The following COL9A2 variants were observed in gnomAD, a reference collection of about 807,000 sequenced individuals.
COL9A2 encodes the protein collagen alpha-2(IX) chain.
A neutral mutation model predicts 111.6 loss-of-function variants in COL9A2; 66 were observed. The observed-to-expected ratio is 0.59, with a 90% confidence interval of 0.48 to 0.73. The LOEUF is 0.73. Ranked by LOEUF, COL9A2 falls within the 30% of genes least tolerant of loss-of-function variation. COL9A2 has a pLI of 0.00. For synonymous variants in COL9A2, 353 were observed against 364.1 expected (o/e 0.97, Z 0.35); for missense variants, 881 against 954.1 (o/e 0.92, Z 1.01).
chr1:40,309,758 G>A (rs575041781), intron 16 of COL9A2, among the ~76,000 whole-genome samples, 180 bp downstream of exon 16: 6 of 151,422 alleles, frequency 4.0e-5, no homozygotes, highest in South Asian at 2.1e-4. Context: ...CATACACACT[G>A]TACACATACA....
intron 30 of COL9A2, 55 bp from the exon 31 acceptor site, chr1:40,301,944 T>G: frequency 6.6e-7 from 1 of 1,516,784 alleles, no homozygotes; most frequent in Non-Finnish European, 9.0e-7. Context: ...GCTTTTCCTC[T>G]ATTTTTTGCT....
In COL9A2 at chr1:40,305,734, G is replaced by C. The variant is rs767484378; in HGVS notation, c.1088C>G (p.Ser363Cys). Residue 363 changes from serine (S) to cysteine (C), a missense_variant, in exon 21 of 32, where the codon TCT becomes TGT. Physicochemically the swap from Ser to Cys is moderately radical, Grantham distance 112. Transcript: ENST00000372748. ...ATTTACCTCTTTCCCAGGGGGACCA[G>C]AGAATCCAGGAAGGCCCTGCGGGCC... ...EPGPQGLPGF[S>C]GPPGKEGEPG... 4 of 1,614,030 alleles carry C rather than the reference G, an allele frequency of 2.5e-6. No homozygotes were observed. The African/African-American group carries it at 5.3e-5, about 22-fold the overall frequency.
At chr1:40,315,124 C>T in intron 2 of COL9A2, 1 of 722,684 alleles carries the variant, frequency 1.4e-6, no homozygotes, top group Non-Finnish European at 1.7e-6. Context: ...ATTTAACCCT[C>T]ACCCTGCAGG....
chr1:40,307,567 A>G lies in COL9A2; in HGVS notation c.955-68T>C, dbSNP rs1644050093. 1.9e-6 allele frequency: 3 copies of G among 1,598,408 alleles called. No individual in the cohort carries two copies. The highest frequency in any genetic ancestry group is 1.3e-5 in the African/African-American group (1 of 74,564). On this transcript the variant is annotated intron_variant, in intron 18 of 31. Transcript: ENST00000372748. The surrounding 1 kb of genome is among the most constrained non-coding windows in gnomAD (Gnocchi z 4.8). Reference sequence around the variant, plus strand: ...CCAGAGGGCCATGGCTTCTACCCAGATGCAGGTAGGGAAACTGAGATCCAG... The same window carrying G: ...CCAGAGGGCCATGGCTTCTACCCAGGTGCAGGTAGGGAAACTGAGATCCAG...
At chr1:40,315,756 AG>A in intron 1 of COL9A2, 92 bp from the exon 2 acceptor site, 1 of 836,474 alleles carries the variant, frequency 1.2e-6, no homozygotes. Flanking sequence ...GCGGGGTCCT[AG>A]GGGCGCAGCT....
At chr1:40,313,341 G>T (rs896381545) in intron 4 of COL9A2, among the ~76,000 whole-genome samples, 1 of 151,982 alleles carries the variant, frequency 6.6e-6, no homozygotes, top group African/African-American at 2.4e-5. Context: ...GGTAATTTTT[G>T]TATTTTTAGT....
At position 40,312,901 on chromosome 1, in the gene COL9A2, A is replaced by C; in HGVS notation, c.250-117T>G. The C allele has an allele frequency of 2.4e-6, 2 of 823,732 alleles. No homozygotes were observed. Among genetic ancestry groups the C allele is most frequent in the Non-Finnish European group, 4.1e-6 (2 of 489,574 alleles). The allele number at this position is 823,732 out of a possible 1,614,324, so 51.0% of individuals were successfully genotyped here. On this transcript the variant is annotated intron_variant, in intron 4 of 31. Coordinates refer to ENST00000372748, the MANE Select transcript of COL9A2 (RefSeq NM_001852.4). This position sits in a 1 kb window ranked among gnomAD's most constrained non-coding sequence, Gnocchi z 6.0. ...CCGAGGCTCCTTTTTGCCACACCTC[A>C]TGAAGGCCTAGGAACCTCCACACCT...
At position 40,310,960 on chromosome 1, in the gene COL9A2, G is replaced by A; in HGVS notation, c.630+133C>T. On this transcript the variant is annotated intron_variant, in intron 12 of 31. Coordinates refer to ENST00000372748, the MANE Select transcript of COL9A2 (RefSeq NM_001852.4). This position sits in a 1 kb window ranked among gnomAD's most constrained non-coding sequence, Gnocchi z 4.9. ...CAGAGACATGCCGACCTGGAGCACA[G>A]GCCTCCAGCCCCCGGCTCAAGGCTC... 7.9e-7 allele frequency: 1 copy of A among 1,271,740 alleles called. No homozygotes were observed. The highest frequency in any genetic ancestry group is 2.4e-5 in the East Asian group (1 of 41,658). 78.8% of individuals were successfully genotyped at this position (1,271,740 alleles called of 1,614,324 possible). A position where few individuals can be genotyped will look rare whatever the true frequency, so the allele number is the denominator to read the frequency against.
chr1:40,306,237 A>G (rs1397783058), intron 19 of COL9A2, 50 bp from the exon 20 acceptor site: 2 of 1,604,838 alleles, frequency 1.2e-6, no homozygotes, highest in South Asian at 2.2e-5. Flanking sequence ...AGGGAGCCCC[A>G]TGCACCTGCT....
In COL9A2 at chr1:40,302,024, G is replaced by A. The variant is rs1341680851; in HGVS notation, c.1793-135C>T. 1.2e-5 allele frequency: 10 copies of A among 846,978 alleles called. No individual in the cohort carries two copies. The highest frequency in any genetic ancestry group is 1.0e-4 in the Admixed American group (5 of 47,814). The allele number at this position is 846,978 out of a possible 1,614,324, so 52.5% of individuals were successfully genotyped here. On this transcript the variant is annotated intron_variant, in intron 30 of 31. Coordinates refer to ENST00000372748, the MANE Select transcript of COL9A2 (RefSeq NM_001852.4). This position sits in a 1 kb window ranked among gnomAD's most constrained non-coding sequence, Gnocchi z 4.5. ...ATAGAGGAAAGTTGGAAATGGTCAC[G>A]CAGGGCTTGTTAAATAAAGGAAGGT...
In COL9A2 at chr1:40,307,800, G is replaced by A. The variant is rs1400969366; in HGVS notation, c.901-44C>T. On this transcript the variant is annotated intron_variant, in intron 17 of 31. Coordinates refer to ENST00000372748, the MANE Select transcript of COL9A2 (RefSeq NM_001852.4). This position sits in a 1 kb window ranked among gnomAD's most constrained non-coding sequence, Gnocchi z 4.8. ...CAAGGGAGAGTGATAATGCGGAGATGTCTGGGGTCTGGCCACCCACCCCTG... is the reference window on the plus strand; with the variant it reads ...CAAGGGAGAGTGATAATGCGGAGATATCTGGGGTCTGGCCACCCACCCCTG... The A allele has an allele frequency of 5.0e-6, 8 of 1,600,802 alleles. No homozygotes were observed. The highest frequency in any genetic ancestry group is 6.8e-6 in the Non-Finnish European group (8 of 1,168,590).
rs189183321 is a variant in COL9A2 at position 40,303,250 on chromosome 1, T to A, written c.1549-65A>T. On this transcript the variant is annotated intron_variant, in intron 28 of 31. Transcript: ENST00000372748. This position sits in a 1 kb window ranked among gnomAD's most constrained non-coding sequence, Gnocchi z 4.6. ...AAGGGCCCACCGCTCCTATCCCACC[T>A]GGCTGAGCGTGAGGCCGCCATGGAG... 372 of 1,505,862 alleles carry A rather than the reference T, an allele frequency of 2.5e-4. No individual in the cohort carries two copies. Among genetic ancestry groups the A allele is most frequent in the African/African-American group, 1.2e-3 (88 of 72,824 alleles). The allele number at this position is 1,505,862 out of a possible 1,614,324, so 93.3% of individuals were successfully genotyped here.
At position 40,302,573 on chromosome 1, in the gene COL9A2, C is replaced by G; in HGVS notation, c.1792+48G>C. On this transcript the variant is annotated intron_variant, in intron 30 of 31. Transcript: ENST00000372748. This position sits in a 1 kb window ranked among gnomAD's most constrained non-coding sequence, Gnocchi z 4.5. ...GGAATGGGGAAAGGGCCGGCCTGGA[C>G]AAATCCTCACTGCCTGGCCCCCATG... 1.9e-6 allele frequency: 3 copies of G among 1,555,680 alleles called. No individual in the cohort carries two copies. The highest frequency in any genetic ancestry group is 2.6e-6 in the Non-Finnish European group (3 of 1,152,456).
rs1171230433 is a variant in COL9A2 at position 40,307,802 on chromosome 1, C to T, written c.901-46G>A. The T allele has an allele frequency of 1.0e-5, 16 of 1,602,270 alleles. No individual in the cohort carries two copies. Among genetic ancestry groups the T allele is most frequent in the Non-Finnish European group, 1.3e-5 (15 of 1,169,882 alleles). ...AGGGAGAGTGATAATGCGGAGATGT[C>T]TGGGGTCTGGCCACCCACCCCTGTT... On this transcript the variant is annotated intron_variant, in intron 17 of 31. Transcript: ENST00000372748. The surrounding 1 kb of genome is among the most constrained non-coding windows in gnomAD (Gnocchi z 4.8).
In COL9A2 at chr1:40,301,158, C is replaced by T; in HGVS notation, c.*24G>A. On this transcript the variant is annotated 3_prime_UTR_variant, in exon 32 of 32. Transcript: ENST00000372748. ...CTGGTCCTTCCCGCCAGGATGCCTG[C>T]CAGGCTCTGTCTGGGCCTGATGCTC... 1.2e-6 allele frequency: 2 copies of T among 1,611,810 alleles called. No individual in the cohort carries two copies. Among genetic ancestry groups the T allele is most frequent in the Non-Finnish European group, 1.7e-6 (2 of 1,179,396 alleles).
Position 40,302,651 on chromosome 1 carries a change from C to G in COL9A2, c.1762G>C (p.Val588Leu). 6.2e-7 allele frequency: 1 copy of G among 1,604,218 alleles called. No individual in the cohort carries two copies. Among genetic ancestry groups the G allele is most frequent in the South Asian group, 1.1e-5 (1 of 89,370 alleles). ...GGCCCCGTGTTGCCGATCTGACCCACGGCTCCCACGATGCCAGGAACGCCC... is the reference window on the plus strand; with the variant it reads ...GGCCCCGTGTTGCCGATCTGACCCAGGGCTCCCACGATGCCAGGAACGCCC... ...PRGVPGIVGA[V>L]GQIGNTGPKG... Residue 588 changes from valine (V) to leucine (L), a missense_variant, in exon 30 of 32, where the codon GTG becomes CTG. By Grantham distance (32) the Val-to-Leu change is conservative. Transcript: ENST00000372748. The surrounding 1 kb of genome is among the most constrained non-coding windows in gnomAD (Gnocchi z 4.5).
rs1036640585 is a variant in COL9A2, at chr1:40,301,064, C to T, written c.*118G>A. 1 of 1,096,026 alleles carries T rather than the reference C, an allele frequency of 9.1e-7. No individual in the cohort carries two copies. The highest frequency in any genetic ancestry group is 1.4e-6 in the Non-Finnish European group (1 of 734,520). 67.9% of individuals were successfully genotyped at this position (1,096,026 alleles called of 1,614,324 possible). ...TCCTTTTCCTTAGGACTCCTGAGTC[C>T]CAGACAGAAGGTCCTGGGGGAGATG... is the stretch of plus-strand genomic sequence containing the variant. On this transcript the variant is annotated 3_prime_UTR_variant, in exon 32 of 32. Coordinates refer to ENST00000372748, the MANE Select transcript of COL9A2 (RefSeq NM_001852.4).
At chr1:40,315,880 G>A in intron 1 of COL9A2, 1 of 459,378 alleles carries the variant, frequency 2.2e-6, no homozygotes, top group Non-Finnish European at 3.9e-6. Context: ...CGCTATTACG[G>A]GCCCCAGTTT....
intron 1 of COL9A2, 41 bp from the exon 2 acceptor site, chr1:40,315,705 C>T (rs1644208815): frequency 6.8e-7 from 1 of 1,469,142 alleles, no homozygotes; most frequent in Non-Finnish European, 9.2e-7. Context: ...TCAGACAGTG[C>T]AGGAAGCTGG....
Sources: gnomAD v4.1 joint callset for allele counts (sites outside exome capture counted in the v4.1 genomes callset) on GRCh38, gnomAD v4.1.1 for gene constraint, Gnocchi (gnomAD v3.1) non-coding constraint, MANE v1.5 for transcripts, NCBI Gene and HGNC (gene_info 2026-07-23, HGNC 2026-07-21) for gene names.